KANSL1L: variants seen among roughly 807,000 people sequenced by gnomAD.
KANSL1L encodes KAT8 regulatory NSL complex subunit 1 like.
In KANSL1L, 25 loss-of-function variants were observed where a neutral mutation model predicts 108.6. The ratio of observed to expected loss-of-function variants is 0.23; its 90% CI spans 0.17 to 0.32. KANSL1L has a LOEUF of 0.32. Ranked by LOEUF, KANSL1L falls within the 10% of genes least tolerant of loss-of-function variation. The pLI, the probability that KANSL1L is intolerant of heterozygous loss-of-function variation, is 1.00. For synonymous variants in KANSL1L, 405 were observed against 395.1 expected (o/e 1.03, Z -0.30); for missense variants, 1,137 against 1,125.7 (o/e 1.01, Z -0.14).
intron 12 of KANSL1L, among the ~76,000 whole-genome samples, chr2:210,026,689 ATAAT>A (rs2093941505): frequency 6.6e-6 from 1 of 152,254 alleles, no homozygotes; most frequent in African/African-American, 2.4e-5. Flanking sequence ...GCAGAAAAAT[ATAAT>A]TAATACTGAC....
intron 5 of KANSL1L, among the ~76,000 whole-genome samples, chr2:210,086,018 T>C (rs2094634233): frequency 6.6e-6 from 1 of 151,674 alleles, no homozygotes; most frequent in Admixed American, 6.6e-5. Context: ...CAATGTTTTC[T>C]CATAATTGAG....
chr2:210,144,769 C>T (rs2095254021), intron 2 of KANSL1L, among the ~76,000 whole-genome samples: 1 of 152,092 alleles, frequency 6.6e-6, no homozygotes, highest in Admixed American at 6.5e-5. Context: ...ACTGAGCCAC[C>T]TTAAAAGAAT....
intron 6 of KANSL1L, among the ~76,000 whole-genome samples, chr2:210,051,488 T>C (rs1318741665): frequency 6.6e-6 from 1 of 152,174 alleles, no homozygotes; most frequent in Non-Finnish European, 1.5e-5. Context: ...TATTTTTAAT[T>C]GGTTATTACT....
At chr2:210,033,880 C>G (rs1300576094) in intron 8 of KANSL1L, among the ~76,000 whole-genome samples, 1 of 151,968 alleles carries the variant, frequency 6.6e-6, no homozygotes, top group African/African-American at 2.4e-5. Flanking sequence ...ATGTTTTTTT[C>G]ACATTTATTT....
chr2:210,114,309 T>TAAC (rs947593483), intron 3 of KANSL1L, among the ~76,000 whole-genome samples: 3 of 151,428 alleles, frequency 2.0e-5, no homozygotes, highest in Non-Finnish European at 3.0e-5. Flanking sequence ...CAAGACAAAA[T>TAAC]AACAACAACA....
chr2:210,050,159 T>G (rs908967911), intron 6 of KANSL1L, among the ~76,000 whole-genome samples: 2 of 152,126 alleles, frequency 1.3e-5, no homozygotes, highest in Non-Finnish European at 2.9e-5. Flanking sequence ...TTCAATCTTT[T>G]GCTAAATAAT....
rs561118450 is a variant in KANSL1L at position 210,082,856 on chromosome 2, T to G, written c.1551-7100A>C. 3.3e-5 allele frequency among the ~76,000 whole-genome samples: 5 copies of G among 152,302 alleles called. No individual in the cohort carries two copies. The South Asian group carries it at 6.2e-4, about 19-fold the overall frequency. On this transcript the variant is annotated intron_variant, in intron 5 of 14. Transcript: ENST00000281772. ...CATTCTCACAGAGATTATGATAGTT[T>G]CCTAGGTGTCCCCCTCCACCCATAA...
chr2:210,159,462 C>T (rs1409943950), intron 1 of KANSL1L, among the ~76,000 whole-genome samples: 1 of 152,142 alleles, frequency 6.6e-6, no homozygotes, highest in Non-Finnish European at 1.5e-5. Context: ...GCACTATTGC[C>T]ACCTGACATT....
At chr2:210,056,769 G>A (rs947166745) in intron 6 of KANSL1L, among the ~76,000 whole-genome samples, 3 of 152,222 alleles carry the variant, frequency 2.0e-5, no homozygotes, top group Middle Eastern at 3.4e-3. Flanking sequence ...ATGAGCCATC[G>A]TGCCAGGCCT....
chr2:210,159,381 A>G (rs559717689), intron 1 of KANSL1L, among the ~76,000 whole-genome samples: 1 of 152,306 alleles, frequency 6.6e-6, no homozygotes, highest in Non-Finnish European at 1.5e-5. Flanking sequence ...CCTGACCAAT[A>G]TATTTTAAAT....
At position 210,079,935 on chromosome 2, in the gene KANSL1L, G is replaced by A. The variant is rs530691718; in HGVS notation, c.1551-4179C>T. On this transcript the variant is annotated intron_variant, in intron 5 of 14. Transcript: ENST00000281772. ...TTAAATAATTGAGGATGGGGAAGTA[G>A]TGAGAGTGGGTTTCAGGCTTATACC... The A allele has an allele frequency of 2.0e-5, 3 of 151,396 alleles. No individual in the cohort carries two copies. In the East Asian group the frequency reaches 5.9e-4, roughly 30 times the overall value. The allele number at this position is 151,396 out of a possible 1,614,324, so 9.4% of individuals were successfully genotyped here. A position where few individuals can be genotyped will look rare whatever the true frequency, so the allele number is the denominator to read the frequency against.
chr2:210,023,034 C>A lies in KANSL1L; in HGVS notation c.2879G>T (p.Gly960Val), dbSNP rs1277140391. 1 of 1,613,912 alleles carries A rather than the reference C, an allele frequency of 6.2e-7. No individual in the cohort carries two copies. ...ATCTGACTGCTTTTTTGGATGGTGG[C>A]CATTCTCTGGTACACTGGTACCGAA... is the stretch of plus-strand genomic sequence containing the variant. The part of the protein sequence containing the change: ...EIFGTSVPEN[G>V]HHPKKQSDGM... The change falls in exon 15 of 15, where the codon GGC (glycine) becomes GTC (valine). Residue 960 changes from glycine (G) to valine (V), a missense_variant. By Grantham distance (109) the Gly-to-Val change is moderately radical (BLOSUM62 -3). Coordinates refer to ENST00000281772, the MANE Select transcript of KANSL1L (RefSeq NM_152519.4).
At chr2:210,092,401 C>T (rs2094699844) in intron 5 of KANSL1L, among the ~76,000 whole-genome samples, 1 of 152,168 alleles carries the variant, frequency 6.6e-6, no homozygotes, top group Non-Finnish European at 1.5e-5. Flanking sequence ...AATACTTCTT[C>T]TATGTCACAC....
Position 210,110,541 on chromosome 2 carries a change from T to A in KANSL1L, c.1231-6240A>T, listed in dbSNP as rs866052338. 2.0e-5 allele frequency among the ~76,000 whole-genome samples: 3 copies of A among 152,228 alleles called. No homozygotes were observed. The South Asian group carries it at 6.2e-4, about 32-fold the overall frequency. The stretch of plus-strand genomic sequence containing the variant: ...GTAAAAGCCAATGTAAAAGCCAATA[T>A]ACAGGACAAAGTCTAAGCAGAATAT... On this transcript the variant is annotated intron_variant, in intron 3 of 14. Transcript: ENST00000281772.
intron 6 of KANSL1L, among the ~76,000 whole-genome samples, chr2:210,061,127 C>A (rs978178822): frequency 2.0e-5 from 3 of 152,184 alleles, no homozygotes; most frequent in Non-Finnish European, 4.4e-5. Context: ...CTTATTCTTA[C>A]TCAAACAATT....
chr2:210,164,856 T>G (rs557665606), intron 1 of KANSL1L, among the ~76,000 whole-genome samples: 144 of 139,426 alleles, frequency 1.0e-3, no homozygotes, highest in Middle Eastern at 3.8e-3. Flanking sequence ...ATTTTTTCTG[T>G]TTTTTTTTTT....
intron 3 of KANSL1L, among the ~76,000 whole-genome samples, chr2:210,109,309 T>A (rs900563758): frequency 6.6e-6 from 1 of 152,156 alleles, no homozygotes; most frequent in African/African-American, 2.4e-5. Flanking sequence ...TTATTAATCT[T>A]TGTGGATGTG....
chr2:210,163,100 G>C (rs970934773), intron 1 of KANSL1L, among the ~76,000 whole-genome samples: 48 of 152,210 alleles, frequency 3.2e-4, no homozygotes, highest in African/African-American at 1.1e-3. Context: ...ATCATGTTCA[G>C]CTTTCAAGAG....
intron 2 of KANSL1L, among the ~76,000 whole-genome samples, chr2:210,135,835 A>G (rs1281034891): frequency 6.6e-6 from 1 of 152,156 alleles, no homozygotes; most frequent in Non-Finnish European, 1.5e-5. Flanking sequence ...TATTAGGATC[A>G]TTTGGGCTAA....
Sources: allele counts gnomAD v4.1 joint callset (sites outside exome capture counted in the v4.1 genomes callset), GRCh38; gene constraint gnomAD v4.1.1; transcripts MANE v1.5; gene names NCBI Gene and HGNC (gene_info 2026-07-23, HGNC 2026-07-21).